Variants in PRKCI observed in about 807,000 individuals in gnomAD.
PRKCI encodes the protein protein kinase C iota type.
Under a neutral mutation model 84.0 loss-of-function variants are expected in PRKCI, and 43 were observed. The observed-to-expected ratio is 0.51, with a 90% CI of 0.40 to 0.66. The LOEUF (loss-of-function observed/expected upper bound fraction) is 0.66, where lower values mean the gene tolerates loss of function less well. Ranked by LOEUF, PRKCI falls within the 30% of genes least tolerant of loss-of-function variation. The pLI, the probability that PRKCI is intolerant of heterozygous loss-of-function variation, is 0.00. For synonymous variants in PRKCI, 216 were observed against 234.4 expected (o/e 0.92, Z 0.72); for missense variants, 459 against 745.6 (o/e 0.62, Z 4.48).
intron 8 of PRKCI, 109 bp from the exon 9 acceptor site, chr3:170,280,116 TTA>T: frequency 1.0e-6 from 1 of 982,556 alleles, no homozygotes; most frequent in Non-Finnish European, 1.4e-6. Flanking sequence ...TAAAATATTT[TTA>T]TGTTAGGAAA....
At chr3:170,247,410 C>T (rs1156801132) in intron 2 of PRKCI, among the ~76,000 whole-genome samples, 1 of 150,860 alleles carries the variant, frequency 6.6e-6, no homozygotes, top group Non-Finnish European at 1.5e-5. Flanking sequence ...AGGGTTATGT[C>T]TATTCCTATT....
chr3:170,295,368 T>A (rs958555053), intron 14 of PRKCI, among the ~76,000 whole-genome samples: 3 of 149,854 alleles, frequency 2.0e-5, no homozygotes, highest in African/African-American at 2.5e-5. Flanking sequence ...TACAAAAAAA[T>A]TTAAAATTAG....
At chr3:170,252,148 A>G (rs1280862994) in intron 2 of PRKCI, among the ~76,000 whole-genome samples, 1 of 151,540 alleles carries the variant, frequency 6.6e-6, no homozygotes, top group African/African-American at 2.4e-5. Flanking sequence ...TGGGAGGCGG[A>G]GCTTGCAGTG....
Position 170,282,278 on chromosome 3 carries a change from A to G in PRKCI, c.1067+310A>G, listed in dbSNP as rs553415327. On this transcript the variant is annotated intron_variant, in intron 11 of 17. Coordinates refer to ENST00000295797, the MANE Select transcript of PRKCI (RefSeq NM_002740.6). ...CCAATCCTTTTCAAATATTATGTCT[A>G]TGTAGCATCAGCCATTTAAATAATT... 7.9e-5 allele frequency among the ~76,000 whole-genome samples: 12 copies of G among 152,336 alleles called. No homozygotes were observed. In the South Asian group the frequency reaches 1.2e-3, roughly 16 times the overall value.
chr3:170,239,309 A>G (rs1733059687), intron 2 of PRKCI, among the ~76,000 whole-genome samples: 1 of 152,220 alleles, frequency 6.6e-6, no homozygotes, highest in Non-Finnish European at 1.5e-5. Flanking sequence ...TATAAATGTC[A>G]TGACTATCTC....
chr3:170,232,253 G>A (rs1328031602), intron 1 of PRKCI, among the ~76,000 whole-genome samples: 1 of 152,108 alleles, frequency 6.6e-6, no homozygotes, highest in Non-Finnish European at 1.5e-5. Context: ...GTCTCCCTGT[G>A]TTGCCCAGGC....
chr3:170,271,990 T>C (rs1344066927), intron 6 of PRKCI, among the ~76,000 whole-genome samples: 1 of 152,140 alleles, frequency 6.6e-6, no homozygotes, highest in East Asian at 1.9e-4. Context: ...TGTGCCACCA[T>C]GCCCAGCTAA....
intron 14 of PRKCI, 133 bp downstream of exon 14, chr3:170,293,641 T>G (rs2108865932): frequency 9.3e-7 from 1 of 1,078,250 alleles, no homozygotes. Context: ...CTGGTGGTAT[T>G]AGGTTTTGTT....
Position 170,222,654 on chromosome 3 carries a change from G to A in PRKCI, c.-16G>A, listed in dbSNP as rs1732518204. ...CGCACCCCCGGCCTCCAGCGTTGAG[G>A]CGGGGGAGTGAGGAGATGCCGACCC... On this transcript the variant is annotated 5_prime_UTR_variant, in exon 1 of 18. Coordinates refer to ENST00000295797, the MANE Select transcript of PRKCI (RefSeq NM_002740.6). 4 of 1,562,398 alleles carry A rather than the reference G, an allele frequency of 2.6e-6. No homozygotes were observed. Among genetic ancestry groups the A allele is most frequent in the Non-Finnish European group, 3.5e-6 (4 of 1,154,454 alleles).
chr3:170,279,562 A>G (rs1019334804), intron 8 of PRKCI, among the ~76,000 whole-genome samples: 3 of 152,208 alleles, frequency 2.0e-5, no homozygotes, highest in Admixed American at 1.3e-4. Flanking sequence ...GTAAATTGCT[A>G]GAAGCTTACA....
intron 11 of PRKCI, 60 bp downstream of exon 11, chr3:170,282,028 G>T: frequency 1.3e-6 from 2 of 1,551,198 alleles, no homozygotes; most frequent in Non-Finnish European, 1.8e-6. Flanking sequence ...CTTTTTATGT[G>T]CAGTGGTTGG....
chr3:170,259,148 A>C (rs1055902775), intron 2 of PRKCI, among the ~76,000 whole-genome samples: 2 of 152,118 alleles, frequency 1.3e-5, no homozygotes, highest in Non-Finnish European at 2.9e-5. Context: ...CCATCTCAAA[A>C]AAAAAGAAAA....
chr3:170,296,593 T>C (rs1409625752), intron 15 of PRKCI, among the ~76,000 whole-genome samples: 2 of 152,176 alleles, frequency 1.3e-5, no homozygotes, highest in African/African-American at 4.8e-5. Flanking sequence ...GAAAAGTTGA[T>C]GTACATTTAC....
At chr3:170,227,908 G>C (rs944783773) in intron 1 of PRKCI, among the ~76,000 whole-genome samples, 2 of 152,298 alleles carry the variant, frequency 1.3e-5, no homozygotes, top group Admixed American at 1.3e-4. Context: ...ATTTTAAGGA[G>C]AGAGAAAAGA....
At chr3:170,272,669 G>A (rs771358686) in intron 6 of PRKCI, among the ~76,000 whole-genome samples, 1 of 152,162 alleles carries the variant, frequency 6.6e-6, no homozygotes, top group Non-Finnish European at 1.5e-5. Flanking sequence ...TATCATTAAT[G>A]TTCTTTCTCA....
intron 2 of PRKCI, among the ~76,000 whole-genome samples, chr3:170,256,561 T>G (rs1167263850): frequency 6.6e-6 from 1 of 152,204 alleles, no homozygotes; most frequent in African/African-American, 2.4e-5. Flanking sequence ...TCTTGTATCT[T>G]TTATTTTTAG....
At chr3:170,268,648 T>G (rs888339699) in intron 5 of PRKCI, among the ~76,000 whole-genome samples, 4 of 152,226 alleles carry the variant, frequency 2.6e-5, no homozygotes, top group African/African-American at 9.6e-5. Context: ...GTAATTTGAT[T>G]TTCACTGTTT....
chr3:170,283,775 AG>A (rs369017460), intron 11 of PRKCI, among the ~76,000 whole-genome samples: 10 of 152,296 alleles, frequency 6.6e-5, no homozygotes, highest in African/African-American at 2.2e-4. Context: ...AGTAGCTAGG[AG>A]GTGTATGTTA....
chr3:170,224,878 T>G (rs1472922733), intron 1 of PRKCI, among the ~76,000 whole-genome samples: 2 of 152,222 alleles, frequency 1.3e-5, no homozygotes, highest in Admixed American at 1.3e-4. Flanking sequence ...AATGAGTCTA[T>G]GAAAGGTAAG....
Sources: allele counts gnomAD v4.1 joint callset (sites outside exome capture counted in the v4.1 genomes callset), GRCh38; gene constraint gnomAD v4.1.1; transcripts MANE v1.5; gene names NCBI Gene and HGNC (gene_info 2026-07-23, HGNC 2026-07-21).